Variants in FBP2 observed in about 807,000 individuals in gnomAD.
The protein encoded by FBP2 is fructose-bisphosphatase 2.
In FBP2, 27 loss-of-function variants were observed where a neutral mutation model predicts 31.6. The observed-to-expected ratio is 0.85, with a 90% CI of 0.63 to 1.18. The LOEUF is 1.18. FBP2 is among the 50% of genes most tolerant of loss of function. FBP2 has a pLI of 0.00. For synonymous variants in FBP2, 168 were observed against 179.8 expected (o/e 0.93, Z 0.53); for missense variants, 421 against 436.1 (o/e 0.97, Z 0.31).
chr9:94,589,134 A>AT (rs112320515), intron 1 of FBP2, among the ~76,000 whole-genome samples: 9,546 of 151,144 alleles, frequency 0.063, 987 homozygotes, highest in African/African-American at 0.22. Context: ...CAATGGCAGG[A>AT]TTTTTTTTTC....
At chr9:94,587,030 T>C (rs1445508116) in intron 2 of FBP2, among the ~76,000 whole-genome samples, 2 of 152,176 alleles carry the variant, frequency 1.3e-5, no homozygotes, top group African/African-American at 2.4e-5. Context: ...TTGGCTCTTG[T>C]TACTGATTAA....
intron 1 of FBP2, among the ~76,000 whole-genome samples, chr9:94,588,843 C>T (rs1442807989): frequency 6.6e-6 from 1 of 152,144 alleles, no homozygotes; most frequent in Admixed American, 6.5e-5. Context: ...CCGTCTCTCT[C>T]ATCCTCACAG....
chr9:94,582,691 G>T (rs1827384510), intron 3 of FBP2, among the ~76,000 whole-genome samples: 1 of 151,718 alleles, frequency 6.6e-6, no homozygotes, highest in African/African-American at 2.4e-5. Context: ...GGGACTACAG[G>T]CACCCACCAC....
chr9:94,570,902 G>A (rs1827262186), intron 4 of FBP2: 1 of 152,226 alleles, frequency 6.6e-6, no homozygotes, highest in Admixed American at 6.5e-5. Flanking sequence ...GGACACAGTA[G>A]ATGCTCAATA....
rs145633569 is a variant in FBP2 at position 94,593,316 on chromosome 9, TATA to T, written c.170+238_170+240del. Among the ~76,000 whole-genome samples the T allele has an allele frequency of 7.9e-3, 1,207 of 152,334 alleles. 18 individuals carry two copies. The highest frequency in any genetic ancestry group is 0.028 in the African/African-American group (1,157 of 41,578). ...AACAAGCCACTGCACTTGGTATCAT[TATA>T]ATAACTGGAAAAATTATATGTGTAT... On this transcript the variant is annotated intron_variant, in intron 1 of 6. Transcript: ENST00000375337.
chr9:94,561,879 C>A (rs1218321786), intron 6 of FBP2, among the ~76,000 whole-genome samples: 1 of 152,266 alleles, frequency 6.6e-6, no homozygotes, highest in African/African-American at 2.4e-5. Flanking sequence ...TATGGAGTGA[C>A]ATGTGCTTAA....
chr9:94,564,022 A>AC (rs761519858), intron 5 of FBP2, among the ~76,000 whole-genome samples: 4 of 151,950 alleles, frequency 2.6e-5, no homozygotes, highest in Admixed American at 6.6e-5. Context: ...AGACTTAGAC[A>AC]CCCCCCCACA....
At chr9:94,579,355 G>A (rs1209227211) in intron 3 of FBP2, among the ~76,000 whole-genome samples, 1 of 128,900 alleles carries the variant, frequency 7.8e-6, no homozygotes, top group Non-Finnish European at 1.6e-5. Context: ...CCGAGATTAT[G>A]CCACCGCACT....
chr9:94,570,727 T>C (rs1438208875), intron 4 of FBP2: 1 of 152,174 alleles, frequency 6.6e-6, no homozygotes, highest in Admixed American at 6.5e-5. Flanking sequence ...TTGAAAAGTT[T>C]CTGGGTTTCC....
chr9:94,586,062 C>G (rs1438656204), intron 2 of FBP2, among the ~76,000 whole-genome samples: 2 of 152,112 alleles, frequency 1.3e-5, no homozygotes, highest in African/African-American at 4.8e-5. Context: ...ACAGAGAGAT[C>G]AGCAGGTTTG....
chr9:94,569,915 T>C (rs1827248384), intron 4 of FBP2: 1 of 152,236 alleles, frequency 6.6e-6, no homozygotes, highest in African/African-American at 2.4e-5. Context: ...CCGCCTTCCA[T>C]GGCATTTCTA....
intron 5 of FBP2, among the ~76,000 whole-genome samples, chr9:94,565,107 T>C (rs1465236636): frequency 1.6e-4 from 24 of 152,126 alleles, no homozygotes; most frequent in Admixed American, 1.6e-3. Flanking sequence ...GGCATGGTGG[T>C]TCACGCCTGT....
chr9:94,572,449 C>T (rs1003597098), intron 3 of FBP2, among the ~76,000 whole-genome samples: 28 of 152,266 alleles, frequency 1.8e-4, no homozygotes, highest in African/African-American at 5.8e-4. Context: ...TTGTGATGTA[C>T]GTAGAAGCTT....
chr9:94,566,808 G>A (rs544830557), intron 5 of FBP2, among the ~76,000 whole-genome samples: 150 of 152,288 alleles, frequency 9.8e-4, no homozygotes, highest in Admixed American at 1.7e-3. Flanking sequence ...AAAAGCATCT[G>A]AACTTGATGG....
chr9:94,572,808 G>C (rs966518319), intron 3 of FBP2, among the ~76,000 whole-genome samples: 1 of 152,124 alleles, frequency 6.6e-6, no homozygotes, highest in Non-Finnish European at 1.5e-5. Context: ...GATTTATACT[G>C]TTCCATTTTT....
intron 3 of FBP2, among the ~76,000 whole-genome samples, chr9:94,575,529 T>G (rs945265175): frequency 1.3e-5 from 2 of 152,214 alleles, no homozygotes; most frequent in African/African-American, 4.8e-5. Context: ...TCCATTCTCA[T>G]GTTGATATGC....
chr9:94,560,902 T>TCAGA (rs58337986), intron 6 of FBP2, among the ~76,000 whole-genome samples: 13,288 of 151,820 alleles, frequency 0.088, 1,122 homozygotes, highest in African/African-American at 0.21. Flanking sequence ...GCCATTTTGG[T>TCAGA]CAGTGTAAGG....
chr9:94,588,735 A>G (rs76029887), intron 1 of FBP2, among the ~76,000 whole-genome samples: 4,585 of 149,974 alleles, frequency 0.031, 228 homozygotes, highest in African/African-American at 0.11. Flanking sequence ...GGGTCCTCCT[A>G]AAGTGCCCCC....
intron 5 of FBP2, 43 bp downstream of exon 5, chr9:94,567,227 G>C: frequency 6.2e-7 from 1 of 1,610,362 alleles, no homozygotes; most frequent in South Asian, 1.1e-5. Context: ...GACCCCATGG[G>C]GACAGCATTC....
Sources: allele counts gnomAD v4.1 joint callset (sites outside exome capture counted in the v4.1 genomes callset), GRCh38; gene constraint gnomAD v4.1.1; transcripts MANE v1.5; gene names NCBI Gene and HGNC (gene_info 2026-07-23, HGNC 2026-07-21).